The following TTN variants were observed in gnomAD, a reference collection of about 807,000 sequenced individuals.
TTN encodes the protein connectin.
In TTN, 1,525 loss-of-function variants were observed where a neutral mutation model predicts 3,223.0. That is an observed-to-expected ratio of 0.47 (90% CI 0.45 to 0.49). The LOEUF is 0.49. Ranked by LOEUF, TTN falls within the 20% of genes least tolerant of loss-of-function variation. The pLI, the probability that TTN is intolerant of heterozygous loss-of-function variation, is 0.00. For synonymous variants in TTN, 14,094 were observed against 15,161.0 expected, an observed-to-expected ratio of 0.93 and a Z score of 5.17; for missense variants, 40,786 against 43,424.0, an observed-to-expected ratio of 0.94 and a Z score of 5.40.
rs1180312183 is a variant in TTN, at chr2:178,647,070, CA to C, written c.40215del (p.Val13406LeufsTer26). On this transcript the variant is annotated frameshift_variant, in exon 215 of 363. Transcript: ENST00000589042. LOFTEE classifies it high-confidence loss of function. ...TATATATATATATATATACCTTCAA[CA>C]GGGGGAGTCTCTTTTCTACCAATGG... ...SITIGRKETP[P>X]VEEREIEKYI... 1.6e-6 allele frequency: 2 copies of C among 1,253,964 alleles called. No homozygotes were observed. Among genetic ancestry groups the C allele is most frequent in the Middle Eastern group, 2.7e-4 (1 of 3,736 alleles). The allele number at this position is 1,253,964 out of a possible 1,614,324, so 77.7% of individuals were successfully genotyped here.
chr2:178,698,536 G>GA (rs576756694), intron 112 of TTN, among the ~76,000 whole-genome samples: 13 of 149,718 alleles, frequency 8.7e-5, no homozygotes, highest in South Asian at 4.2e-4. Context: ...AAATAAAAAA[G>GA]AAAAAAAAAG....
At chr2:178,758,946 T>C in intron 44 of TTN, 38 bp downstream of exon 44, 1 of 1,583,980 alleles carries the variant, frequency 6.3e-7, no homozygotes, top group African/African-American at 1.3e-5. Context: ...AGATTCGATC[T>C]ATATTTAAAT....
rs1230487887 is a variant in TTN at position 178,611,147 on chromosome 2, T to A, written c.50982A>T (p.Glu16994Asp). ...TTGTTAATCTATCACTTGCTTTAAC[T>A]TCTTTGCCATCTTTATGCCAACTAA... ...PTVSWHKDGK[E>D]VKASDRLTMK... The change falls in exon 270 of 363, where the codon GAA becomes GAT. Residue 16994 changes from glutamate to aspartate, a missense_variant. Coordinates refer to ENST00000589042, the MANE Select transcript of TTN (RefSeq NM_001267550.2). 1 of 1,612,704 alleles carries A rather than the reference T, an allele frequency of 6.2e-7. No homozygotes were observed. The highest frequency in any genetic ancestry group is 8.5e-7 in the Non-Finnish European group (1 of 1,179,246).
rs886044461 is a variant in TTN at position 178,567,760 on chromosome 2, A to G, written c.78372T>C (p.Ile26124=). The change falls in exon 326 of 363, where the codon ATT becomes ATC. Residue 26124 remains isoleucine, a synonymous_variant. Transcript: ENST00000589042. ...CATCAGGCAAATCACGTTTCTCTACAATGTAGCCTGTAATCATACTTCCAC... is the reference window on the plus strand; with the variant it reads ...CATCAGGCAAATCACGTTTCTCTACGATGTAGCCTGTAATCATACTTCCAC... ...YDGGSMITGY[I]VEKRDLPDGR... is the part of the protein sequence containing the mutation. 22 of 1,613,398 alleles carry G rather than the reference A, an allele frequency of 1.4e-5. No homozygotes were observed. Among genetic ancestry groups the G allele is most frequent in the East Asian group, 2.2e-5 (1 of 44,818 alleles).
rs758928659 is a variant in TTN, at chr2:178,572,008, G to C, written c.74124C>G (p.Ile24708Met). Reference sequence around the variant, plus strand: ...CTGGTGGAATGACAAGATCTTTGGCGATCACTGGCACACTCAGTTGTCTAG... The same window carrying C: ...CTGGTGGAATGACAAGATCTTTGGCCATCACTGGCACACTCAGTTGTCTAG... Reference protein sequence around the residue: ...SDPRQLSVPVIAKDLVIPPAF... With the variant: ...SDPRQLSVPVMAKDLVIPPAF... Residue 24708 changes from isoleucine to methionine, a missense_variant, in exon 326 of 363, where the codon ATC becomes ATG. Physicochemically the swap from Ile to Met is conservative, Grantham distance 10. Transcript: ENST00000589042. The C allele has an allele frequency of 6.2e-7, 1 of 1,613,132 alleles. No homozygotes were observed. The highest frequency in any genetic ancestry group is 8.5e-7 in the Non-Finnish European group (1 of 1,179,530).
chr2:178,722,715 C>CA lies in TTN; in HGVS notation c.22183dup (p.Cys7395LeufsTer6). ...AGTTCCTATACTATTTTCTGCTTTG[C>CA]ATGTGTACTCTCCACTGTCATTGAT... On this transcript the variant is annotated frameshift_variant, in exon 76 of 363. Transcript: ENST00000589042. LOFTEE classifies it high-confidence loss of function. 1 of 1,613,098 alleles carries CA rather than the reference C, an allele frequency of 6.2e-7. No homozygotes were observed. Among genetic ancestry groups the CA allele is most frequent in the Non-Finnish European group, 8.5e-7 (1 of 1,179,440 alleles).
chr2:178,776,472 TCTCATCTTTAACAATAAGG>T lies in TTN; in HGVS notation c.5373_5391del (p.Leu1792LysfsTer22). ...AATTGGGATTCTTCCACAAGACTTT[TCTCATCTTTAACAATAAGG>T]GTAGCAGATGTGTGATCTGTTCCAT... On this transcript the variant is annotated frameshift_variant, in exon 28 of 363. Transcript: ENST00000589042. LOFTEE classifies it high-confidence loss of function. The T allele has an allele frequency of 6.2e-7, 1 of 1,608,142 alleles. No individual in the cohort carries two copies. The highest frequency in any genetic ancestry group is 8.5e-7 in the Non-Finnish European group (1 of 1,179,982).
At chr2:178,699,802 T>A (rs1026333535) in intron 111 of TTN, among the ~76,000 whole-genome samples, 1 of 137,110 alleles carries the variant, frequency 7.3e-6, no homozygotes, top group Non-Finnish European at 1.6e-5. Context: ...TCTCGGCTCA[T>A]TGCAAGCTCC....
chr2:178,535,052 T>G lies in TTN; in HGVS notation c.101563A>C (p.Thr33855Pro). Residue 33855 changes from threonine (T) to proline (P), a missense_variant, in exon 358 of 363, where the codon ACT (threonine) becomes CCT (proline). Physicochemically the swap from Thr to Pro is conservative, Grantham distance 38. Coordinates refer to ENST00000589042, the MANE Select transcript of TTN (RefSeq NM_001267550.2). ...TCCTTCTTTACCAAAACCTGATCAG[T>G]CCCTTTGACTTTAACAAATTTGGCC... ...YMAKFVKVKG[T>P]DQVLVKKEIS... 6.2e-7 allele frequency: 1 copy of G among 1,613,830 alleles called. No individual in the cohort carries two copies. Among genetic ancestry groups the G allele is most frequent in the Non-Finnish European group, 8.5e-7 (1 of 1,179,808 alleles).
intron 129 of TTN, 57 bp downstream of exon 129, chr2:178,685,196 G>T (rs2070532480): frequency 7.2e-7 from 1 of 1,393,006 alleles, no homozygotes; most frequent in Non-Finnish European, 9.8e-7. Context: ...CAAATGTGAA[G>T]GTATTATTAT....
intron 240 of TTN, among the ~76,000 whole-genome samples, chr2:178,626,170 A>G (rs1283294878): frequency 2.0e-5 from 3 of 152,016 alleles, no homozygotes; most frequent in African/African-American, 7.2e-5. Context: ...TTGCCATGCA[A>G]CAACAAGCTA....
At position 178,668,057 on chromosome 2, in the gene TTN, G is replaced by A. The variant is rs116712658; in HGVS notation, c.35546-336C>T. 1.9e-3 allele frequency among the ~76,000 whole-genome samples: 294 copies of A among 152,298 alleles called. 1 individual carries two copies. Among genetic ancestry groups the A allele is most frequent in the African/African-American group, 6.7e-3 (279 of 41,562 alleles). ...TTTGTCTATAAAGAACAGGGAAGAT[G>A]CTGAATTGCACATTGAGAATTCTCC... is the stretch of plus-strand genomic sequence containing the variant. On this transcript the variant is annotated intron_variant, in intron 159 of 362. Coordinates refer to ENST00000589042, the MANE Select transcript of TTN (RefSeq NM_001267550.2).
chr2:178,673,356 A>G (rs148615970), intron 152 of TTN, among the ~76,000 whole-genome samples: 1 of 151,830 alleles, frequency 6.6e-6, no homozygotes, highest in Non-Finnish European at 1.5e-5. Flanking sequence ...GGGAAGAGGG[A>G]TCCATTGCTA....
In TTN at chr2:178,636,133, C is replaced by T. The variant is rs374421638; in HGVS notation, c.41438G>A (p.Arg13813Lys). The change falls in exon 226 of 363, where the codon AGG becomes AAG. Residue 13813 changes from arginine to lysine, a missense_variant. Physicochemically the swap from Arg to Lys is conservative, Grantham distance 26. Transcript: ENST00000589042. The surrounding 1 kb of genome is among the most constrained non-coding windows in gnomAD (Gnocchi z 4.3). The part of the protein sequence containing the change: ...ELNKERDVVW[R>K]KDGKIVVEKP... ...CTCCACCACAATCTTGCCATCCTTC[C>T]TCCAGACCACGTCACGCTCTTTGTT... The T allele has an allele frequency of 5.6e-6, 9 of 1,613,046 alleles. No individual in the cohort carries two copies. Among genetic ancestry groups the T allele is most frequent in the Non-Finnish European group, 7.6e-6 (9 of 1,179,514 alleles).
At position 178,568,771 on chromosome 2, in the gene TTN, A is replaced by G; in HGVS notation, c.77361T>C (p.Val25787=). 1 of 1,612,974 alleles carries G rather than the reference A, an allele frequency of 6.2e-7. No homozygotes were observed. Among genetic ancestry groups the G allele is most frequent in the Non-Finnish European group, 8.5e-7 (1 of 1,179,362 alleles). Residue 25787 remains valine (V), a synonymous_variant, in exon 326 of 363, where the codon GTT becomes GTC. Transcript: ENST00000589042. ...TTACCAGATCTTTGGCAACTATTGG[A>G]ACTGCAAGGGACCGAGGATCACTTC... ...KGRSDPRSLA[V]PIVAKDLVIE... is the part of the protein sequence containing the mutation.
In TTN at chr2:178,580,094, C is replaced by T; in HGVS notation, c.67193G>A (p.Arg22398Lys). The part of the protein sequence containing the change: ...NYVVQKRDAE[R>K]KSWSTVTTEC... ...AGTTGTCACTGTAGACCAGGATTTCCTCTCTGCATCACGTTTTTGTACCAC... is the reference window on the plus strand; with the variant it reads ...AGTTGTCACTGTAGACCAGGATTTCTTCTCTGCATCACGTTTTTGTACCAC... The change falls in exon 318 of 363, where the codon AGG (arginine) becomes AAG (lysine). Residue 22398 changes from arginine to lysine, a missense_variant. Transcript: ENST00000589042. 1 of 1,613,370 alleles carries T rather than the reference C, an allele frequency of 6.2e-7. No homozygotes were observed. Among genetic ancestry groups the T allele is most frequent in the Non-Finnish European group, 8.5e-7 (1 of 1,179,504 alleles).
chr2:178,715,216 C>G lies in TTN; in HGVS notation c.25970G>C (p.Gly8657Ala), dbSNP rs766866317. The part of the protein sequence containing the change: ...KKPHPIETLK[G>A]ADVHLECELQ... Reference sequence around the variant, plus strand: ...CTCACATTCAAGGTGAACATCAGCTCCTTTCAGTGTCTCTATAGGATGAGG... The same window carrying G: ...CTCACATTCAAGGTGAACATCAGCTGCTTTCAGTGTCTCTATAGGATGAGG... The change falls in exon 90 of 363, where the codon GGA (glycine) becomes GCA (alanine). Residue 8657 changes from glycine (G) to alanine (A), a missense_variant. Physicochemically the swap from Gly to Ala is moderately conservative, Grantham distance 60 (BLOSUM62 0). Coordinates refer to ENST00000589042, the MANE Select transcript of TTN (RefSeq NM_001267550.2). 2.5e-6 allele frequency: 4 copies of G among 1,613,512 alleles called. No individual in the cohort carries two copies. The highest frequency in any genetic ancestry group is 3.4e-6 in the Non-Finnish European group (4 of 1,179,664).
rs754315701 is a variant in TTN at position 178,747,344 on chromosome 2, T to G, written c.11312-5423A>C. On this transcript the variant is annotated intron_variant, in intron 47 of 362. Transcript: ENST00000589042. ...TCTTTCAACTGTCTCACCTCCTGAA[T>G]GTATTGAGGATTGTTTAGTTATATC... 3 of 1,613,300 alleles carry G rather than the reference T, an allele frequency of 1.9e-6. No individual in the cohort carries two copies. Among genetic ancestry groups the G allele is most frequent in the Middle Eastern group, 1.7e-4 (1 of 6,056 alleles).
Position 178,722,367 on chromosome 2 carries a change from C to T in TTN, c.22420G>A (p.Ala7474Thr), listed in dbSNP as rs759713604. The T allele has an allele frequency of 2.7e-4, 434 of 1,613,156 alleles. 1 individual carries two copies. Among genetic ancestry groups the T allele is most frequent in the Non-Finnish European group, 3.4e-4 (400 of 1,179,560 alleles). Reference sequence around the variant, plus strand: ...TCAGTTTGCAAAATTTTTAAAGTTGCCACATTATCTACAAATGAAGTCTGT... The same window carrying T: ...TCAGTTTGCAAAATTTTTAAAGTTGTCACATTATCTACAAATGAAGTCTGT... ...NLQTSFVDNV[A>T]TLKILQTDLS... Residue 7474 changes from alanine (A) to threonine (T), a missense_variant, in exon 77 of 363, where the codon GCA becomes ACA. Ala to Thr is a moderately conservative substitution (Grantham distance 58). Coordinates refer to ENST00000589042, the MANE Select transcript of TTN (RefSeq NM_001267550.2).
Sources: allele counts gnomAD v4.1 joint callset (sites outside exome capture counted in the v4.1 genomes callset), GRCh38; gene constraint gnomAD v4.1.1; non-coding constraint Gnocchi (gnomAD v3.1); transcripts MANE v1.5; gene names NCBI Gene and HGNC (gene_info 2026-07-23, HGNC 2026-07-21).